Variants in TASOR observed in about 807,000 individuals in gnomAD.
The protein encoded by TASOR is protein TASOR.
A neutral mutation model predicts 178.6 loss-of-function variants in TASOR; 53 were observed. The ratio of observed to expected loss-of-function variants is 0.30; its 90% confidence interval spans 0.24 to 0.37. The LOEUF is 0.37. TASOR is among the 10% of genes least tolerant of loss of function. TASOR has a pLI of 1.00. For missense variants in TASOR, 1,815 were observed against 1,971.4 expected (o/e 0.92, Z 1.50); for synonymous variants, 713 against 696.2 (o/e 1.02, Z -0.38).
rs1190295696 is a variant in TASOR, at chr3:56,641,757, GA to G, written c.2216-6del. The G allele has an allele frequency of 1.3e-6, 2 of 1,580,850 alleles. No individual in the cohort carries two copies. The highest frequency in any genetic ancestry group is 1.4e-5 in the African/African-American group (1 of 73,628). On this transcript the variant is annotated splice_polypyrimidine_tract_variant and splice_region_variant and intron_variant, in intron 14 of 23. Transcript: ENST00000683822. ...AGCCAATAGGCTGTGGAGACTCTGA[GA>G]AAAAGGAAGTCATTGGTTGAAGTTA...
chr3:56,681,087 T>TAAAAA (rs11310490), intron 1 of TASOR, among the ~76,000 whole-genome samples: 1 of 117,882 alleles, frequency 8.5e-6, no homozygotes, highest in African/African-American at 3.0e-5. Flanking sequence ...TAACAAACAG[T>TAAAAA]AAAAAAAAAA....
chr3:56,651,437 G>A (rs967766657), intron 11 of TASOR, among the ~76,000 whole-genome samples: 1 of 152,104 alleles, frequency 6.6e-6, no homozygotes, highest in African/African-American at 2.4e-5. Context: ...GCTCATGCCT[G>A]TAATCTCAGC....
At chr3:56,651,303 G>T (rs1044415461) in intron 11 of TASOR, among the ~76,000 whole-genome samples, 2 of 151,838 alleles carry the variant, frequency 1.3e-5, no homozygotes, top group Non-Finnish European at 2.9e-5. Flanking sequence ...AATCTCTGGG[G>T]TTTTTAAATT....
intron 3 of TASOR, among the ~76,000 whole-genome samples, chr3:56,671,115 T>C (rs1360075414): frequency 2.7e-5 from 4 of 150,616 alleles, no homozygotes; most frequent in African/African-American, 9.8e-5. Flanking sequence ...CCGAGGTGGG[T>C]GGATCATGAG....
intron 14 of TASOR, among the ~76,000 whole-genome samples, chr3:56,643,505 G>C (rs899052677): frequency 1.3e-5 from 2 of 152,112 alleles, no homozygotes; most frequent in African/African-American, 4.8e-5. Flanking sequence ...GCTCACGCCT[G>C]TAATCCCAGC....
chr3:56,635,053 C>T (rs1336771352), intron 17 of TASOR, among the ~76,000 whole-genome samples: 1 of 152,178 alleles, frequency 6.6e-6, no homozygotes, highest in Non-Finnish European at 1.5e-5. Context: ...AATGGTGCCT[C>T]TAAATCAGAA....
chr3:56,673,220 A>C (rs1440608517), intron 2 of TASOR, among the ~76,000 whole-genome samples: 1 of 152,184 alleles, frequency 6.6e-6, no homozygotes, highest in African/African-American at 2.4e-5. Flanking sequence ...ACAGCAGATA[A>C]ATGTAATGCT....
chr3:56,629,606 A>G (rs922994365), intron 18 of TASOR, among the ~76,000 whole-genome samples: 4 of 152,152 alleles, frequency 2.6e-5, no homozygotes, highest in African/African-American at 9.7e-5. Flanking sequence ...GCTGGTGAAC[A>G]TGGTACTGCC....
At position 56,652,556 on chromosome 3, in the gene TASOR, TAA is replaced by T. The variant is rs11361541; in HGVS notation, c.1369-3501_1369-3500del. Reference sequence around the variant, plus strand: ...ATGACAAAGCAAGACCCTGCCTATTTAAAAAAAAAAAAAAAATGGCTAAAATG... The same window carrying T: ...ATGACAAAGCAAGACCCTGCCTATTTAAAAAAAAAAAAAATGGCTAAAATG... On this transcript the variant is annotated intron_variant, in intron 11 of 23. Coordinates refer to ENST00000683822, the MANE Select transcript of TASOR (RefSeq NM_001365635.2). Among the ~76,000 whole-genome samples the T allele has an allele frequency of 4.9e-3, 688 of 141,842 alleles. 7 individuals carry two copies. Among genetic ancestry groups the T allele is most frequent in the African/African-American group, 0.014 (535 of 38,748 alleles). 93.1% of individuals were successfully genotyped at this position (141,842 alleles called of 152,430 possible). A position where few individuals can be genotyped will look rare whatever the true frequency, so the allele number is the denominator to read the frequency against.
At chr3:56,629,666 C>G (rs1232428135) in intron 18 of TASOR, among the ~76,000 whole-genome samples, 6 of 152,108 alleles carry the variant, frequency 3.9e-5, no homozygotes, top group African/African-American at 1.4e-4. Flanking sequence ...TTGCTCTCTG[C>G]TTGCTGGTGG....
intron 20 of TASOR, 21 bp from the exon 21 acceptor site, chr3:56,627,166 T>C (rs1242095341): frequency 6.5e-6 from 9 of 1,376,594 alleles, no homozygotes; most frequent in African/African-American, 1.5e-5. Flanking sequence ...TAATGAAGTT[T>C]GTTTTTAATT....
At chr3:56,681,206 T>A (rs1175831167) in intron 1 of TASOR, among the ~76,000 whole-genome samples, 1 of 152,038 alleles carries the variant, frequency 6.6e-6, no homozygotes, top group Non-Finnish European at 1.5e-5. Context: ...ACCTCCTACC[T>A]CATAACCAGA....
At position 56,622,200 on chromosome 3, in the gene TASOR, G is replaced by GTAGT. The variant is rs1284409565; in HGVS notation, c.*833_*836dup. On this transcript the variant is annotated 3_prime_UTR_variant, in exon 24 of 24. Coordinates refer to ENST00000683822, the MANE Select transcript of TASOR (RefSeq NM_001365635.2). ...AAGTTAGTAATTAGTATTAGAGGCAGTAGTTAGGAATAGATACGGGTTTGA... is the reference window on the plus strand; with the variant it reads ...AAGTTAGTAATTAGTATTAGAGGCAGTAGTTAGTTAGGAATAGATACGGGTTTGA... The GTAGT allele has an allele frequency of 2.6e-5, 4 of 152,176 alleles. No homozygotes were observed. Among genetic ancestry groups the GTAGT allele is most frequent in the East Asian group, 3.8e-4 (2 of 5,198 alleles). 9.4% of individuals were successfully genotyped at this position (152,176 alleles called of 1,614,324 possible). A position where few individuals can be genotyped will look rare whatever the true frequency, so the allele number is the denominator to read the frequency against.
At position 56,627,589 on chromosome 3, in the gene TASOR, G is replaced by A. The variant is rs1397704698; in HGVS notation, c.4023C>T (p.Val1341=). The stretch of plus-strand genomic sequence containing the variant: ...AAAAGAACATCATCTTACCAACTGT[G>A]ACAACCTCTGGGTTTAGAATTGATT... ...SDESILNPEV[V]TVENLKNFLT... The change falls in exon 20 of 24, where the codon GTC becomes GTT. Residue 1341 remains valine (V), a synonymous_variant. Transcript: ENST00000683822. 3 of 1,613,814 alleles carry A rather than the reference G, an allele frequency of 1.9e-6. No individual in the cohort carries two copies. The highest frequency in any genetic ancestry group is 1.3e-5 in the African/African-American group (1 of 74,930).
chr3:56,678,245 G>A lies in TASOR; in HGVS notation c.331+4431C>T, dbSNP rs138397844. Among the ~76,000 whole-genome samples, 2,515 of 144,342 alleles carry A rather than the reference G, an allele frequency of 0.017. 188 individuals carry two copies. In the East Asian group the frequency reaches 0.26, roughly 15 times the overall value. 94.7% of individuals were successfully genotyped at this position (144,342 alleles called of 152,430 possible). A position where few individuals can be genotyped will look rare whatever the true frequency, so the allele number is the denominator to read the frequency against. On this transcript the variant is annotated intron_variant, in intron 1 of 23. Transcript: ENST00000683822. ...TGCCCGGGCTGGAGTGCAGTGGCGC[G>A]ATCTTGGCTCACTGCAACTTCCACC...
rs935617849 is a variant in TASOR, at chr3:56,623,185, G to A, written c.4865C>T (p.Thr1622Ile). The A allele has an allele frequency of 1.2e-6, 2 of 1,613,708 alleles. No individual in the cohort carries two copies. Among genetic ancestry groups the A allele is most frequent in the Non-Finnish European group, 1.7e-6 (2 of 1,179,864 alleles). ...NVLTHQTFLGTPYALSSSQSQ... is the reference protein window; with the variant it reads ...NVLTHQTFLGIPYALSSSQSQ... ...CTGACTTGATGAAAGGGCATATGGT[G>A]TCCCCAAAAATGTCTGATGAGTGAG... Residue 1622 changes from threonine (T) to isoleucine (I), a missense_variant, in exon 24 of 24, where the codon ACA becomes ATA. Physicochemically the swap from Thr to Ile is moderately conservative, Grantham distance 89. Coordinates refer to ENST00000683822, the MANE Select transcript of TASOR (RefSeq NM_001365635.2).
In TASOR at chr3:56,621,351, A is replaced by G. The variant is rs1396136987; in HGVS notation, c.*1686T>C. On this transcript the variant is annotated 3_prime_UTR_variant, in exon 24 of 24. Coordinates refer to ENST00000683822, the MANE Select transcript of TASOR (RefSeq NM_001365635.2). ...TTTATGCTAAAAACAGAATCTTACA[A>G]ATGTGATAGCTATATATCCAAATGA... is the stretch of plus-strand genomic sequence containing the variant. 2.7e-5 allele frequency: 11 copies of G among 406,546 alleles called. No homozygotes were observed. Among genetic ancestry groups the G allele is most frequent in the Non-Finnish European group, 4.8e-5 (11 of 226,982 alleles). 25.2% of individuals were successfully genotyped at this position (406,546 alleles called of 1,614,324 possible). A position where few individuals can be genotyped will look rare whatever the true frequency, so the allele number is the denominator to read the frequency against.
rs1286806497 is a variant in TASOR, at chr3:56,622,945, A to G, written c.*92T>C. The stretch of plus-strand genomic sequence containing the variant: ...ATTTAAATAAAAGAAAAAACATTTG[A>G]GAAAGAACAAGAACCTTTTGTTTAG... On this transcript the variant is annotated 3_prime_UTR_variant, in exon 24 of 24. Transcript: ENST00000683822. The G allele has an allele frequency of 1.6e-5, 13 of 815,192 alleles. No individual in the cohort carries two copies. The highest frequency in any genetic ancestry group is 2.4e-5 in the Non-Finnish European group (13 of 550,798). The allele number at this position is 815,192 out of a possible 1,614,324, so 50.5% of individuals were successfully genotyped here. A position where few individuals can be genotyped will look rare whatever the true frequency, so the allele number is the denominator to read the frequency against.
chr3:56,673,454 AAAAAC>A (rs2107634551), intron 2 of TASOR, 121 bp downstream of exon 2: 16 of 687,830 alleles, frequency 2.3e-5, no homozygotes, highest in East Asian at 7.4e-5. Context: ...AAAAAAAAAA[AAAAAC>A]TTGTTTTCCC....
Sources: allele counts gnomAD v4.1 joint callset (sites outside exome capture counted in the v4.1 genomes callset), GRCh38; gene constraint gnomAD v4.1.1; transcripts MANE v1.5; gene names NCBI Gene and HGNC (gene_info 2026-07-23, HGNC 2026-07-21).